Variants in AFF1 observed in about 807,000 individuals in gnomAD.
AFF1 encodes the protein ALF transcription elongation factor 1.
AFF1 carries 48 observed loss-of-function variants against 121.7 expected under a neutral mutation model. The ratio of observed to expected loss-of-function variants is 0.39; its 90% CI spans 0.31 to 0.50. The LOEUF (loss-of-function observed/expected upper bound fraction) is 0.50. Ranked by LOEUF, AFF1 falls within the 20% of genes least tolerant of loss-of-function variation. The pLI, the probability that AFF1 is intolerant of heterozygous loss-of-function variation, is 0.76. For synonymous variants in AFF1, 613 were observed against 563.0 expected (o/e 1.09, Z -1.26); for missense variants, 1,523 against 1,511.7 (o/e 1.01, Z -0.12).
chr4:87,091,151 T>C (rs1724264503), intron 6 of AFF1, among the ~76,000 whole-genome samples: 1 of 151,904 alleles, frequency 6.6e-6, no homozygotes, highest in South Asian at 2.1e-4. Context: ...ATGCTTGTAA[T>C]CCCAGGACTT....
intron 4 of AFF1, among the ~76,000 whole-genome samples, chr4:87,065,802 TCC>T (rs3836603): frequency 6.6e-6 from 1 of 151,966 alleles, no homozygotes; most frequent in Admixed American, 6.6e-5. Context: ...CCATTATTTT[TCC>T]CCCCCCTTTC....
intron 2 of AFF1, among the ~76,000 whole-genome samples, chr4:87,017,110 T>G (rs1234596110): frequency 1.3e-5 from 2 of 150,766 alleles, no homozygotes; most frequent in Non-Finnish European, 3.0e-5. Context: ...TGTTTTTTTT[T>G]TTTTTTTTTT....
At chr4:87,085,950 G>T (rs973598094) in intron 5 of AFF1, among the ~76,000 whole-genome samples, 1 of 151,988 alleles carries the variant, frequency 6.6e-6, no homozygotes, top group African/African-American at 2.4e-5. Context: ...TCTTGGCCAG[G>T]CTGGTCTCAA....
At chr4:86,963,236 ACT>A (rs1646827541) in intron 2 of AFF1, among the ~76,000 whole-genome samples, 1 of 151,596 alleles carries the variant, frequency 6.6e-6, no homozygotes, top group Admixed American at 6.6e-5. Flanking sequence ...ATTTAATAAT[ACT>A]TTTTATCCTT....
At chr4:87,097,663 C>T (rs1725002999) in intron 8 of AFF1, among the ~76,000 whole-genome samples, 2 of 152,052 alleles carry the variant, frequency 1.3e-5, no homozygotes, top group African/African-American at 4.8e-5. Context: ...AAGAGTAACA[C>T]AGAAGAGAAG....
intron 2 of AFF1, among the ~76,000 whole-genome samples, chr4:87,011,791 C>CA: frequency 6.6e-6 from 1 of 152,172 alleles, no homozygotes; most frequent in East Asian, 1.9e-4. Flanking sequence ...TCCTGACTCA[C>CA]AGTCTAGAGC....
At chr4:86,973,745 C>T (rs1035541199) in intron 2 of AFF1, 1 of 152,090 alleles carries the variant, frequency 6.6e-6, no homozygotes, top group East Asian at 1.9e-4. Flanking sequence ...TCTCTTTTCT[C>T]TTTTCCTTTC....
chr4:87,092,434 A>T (rs936134861), intron 7 of AFF1, among the ~76,000 whole-genome samples: 2 of 152,202 alleles, frequency 1.3e-5, no homozygotes, highest in African/African-American at 4.8e-5. Context: ...AGTAGATTGG[A>T]GTGTGTCATT....
At chr4:87,053,944 G>A (rs1476235375) in intron 4 of AFF1, among the ~76,000 whole-genome samples, 2 of 152,232 alleles carry the variant, frequency 1.3e-5, no homozygotes, top group African/African-American at 4.8e-5. Context: ...CTGAAGGTGA[G>A]TAGGAGTGGC....
intron 6 of AFF1, among the ~76,000 whole-genome samples, chr4:87,091,530 G>A (rs549221975): frequency 1.3e-5 from 2 of 152,304 alleles, no homozygotes; most frequent in African/African-American, 2.4e-5. Context: ...AAGAAGAGAA[G>A]CAATGAAAGC....
chr4:87,013,142 C>T (rs1726969937), intron 2 of AFF1, among the ~76,000 whole-genome samples: 1 of 144,278 alleles, frequency 6.9e-6, no homozygotes. Context: ...CTCCTGGGTT[C>T]AAGCCATTCT....
Position 87,114,474 on chromosome 4 carries a change from G to T in AFF1, c.1641G>T (p.Arg547=), listed in dbSNP as rs1233408409. 6.2e-7 allele frequency: 1 copy of T among 1,613,604 alleles called. No homozygotes were observed. The highest frequency in any genetic ancestry group is 8.5e-7 in the Non-Finnish European group (1 of 1,179,996). Residue 547 remains arginine (R), a synonymous_variant, in exon 12 of 21, where the codon CGG becomes CGT. Coordinates refer to ENST00000395146, the MANE Select transcript of AFF1 (RefSeq NM_001166693.3). ...CCAGGAGCACAGAGCCCCCACGGCG[G>T]CACCCAGAGAGTAAGGGCAGCAGCG... ...EGPRSTEPPR[R]HPESKGSSDS...
intron 8 of AFF1, among the ~76,000 whole-genome samples, chr4:87,097,580 G>A (rs867812128): frequency 6.6e-6 from 1 of 152,276 alleles, no homozygotes; most frequent in Middle Eastern, 3.4e-3. Context: ...AATTATCTAG[G>A]AAAGAATATT....
intron 2 of AFF1, among the ~76,000 whole-genome samples, chr4:86,985,665 A>G (rs931777157): frequency 2.0e-5 from 3 of 152,082 alleles, no homozygotes; most frequent in African/African-American, 7.2e-5. Flanking sequence ...GAAAAGAGCA[A>G]AACTCCATCT....
intron 7 of AFF1, among the ~76,000 whole-genome samples, chr4:87,094,704 T>G (rs150306193): frequency 1.3e-4 from 20 of 152,312 alleles, no homozygotes; most frequent in African/African-American, 4.1e-4. Context: ...CTGCAAGCAA[T>G]GATTTTCAGT....
chr4:87,046,325 C>G (rs1288005757), intron 3 of AFF1, 39 bp downstream of exon 3: 1 of 1,601,990 alleles, frequency 6.2e-7, no homozygotes, highest in Non-Finnish European at 8.5e-7. Flanking sequence ...CCTGATTTAT[C>G]ACAATGTTGA....
intron 4 of AFF1, among the ~76,000 whole-genome samples, chr4:87,064,325 A>T (rs1418788643): frequency 6.6e-6 from 1 of 152,252 alleles, no homozygotes; most frequent in South Asian, 2.1e-4. Context: ...AATATAGAAG[A>T]TAGGCAACAT....
chr4:87,099,127 A>G (rs1337565964), intron 8 of AFF1, among the ~76,000 whole-genome samples: 1 of 152,196 alleles, frequency 6.6e-6, no homozygotes, highest in Admixed American at 6.5e-5. Context: ...CTTGTTTTCA[A>G]ATATTAGCTT....
chr4:86,953,875 AT>A (rs1560498901), intron 2 of AFF1, among the ~76,000 whole-genome samples: 1 of 152,026 alleles, frequency 6.6e-6, no homozygotes, highest in East Asian at 1.9e-4. Flanking sequence ...CGCCCAGCTA[AT>A]TTTTGTACGT....
Sources: gnomAD v4.1 joint callset for allele counts (sites outside exome capture counted in the v4.1 genomes callset) on GRCh38, gnomAD v4.1.1 for gene constraint, MANE v1.5 for transcripts, NCBI Gene and HGNC (gene_info 2026-07-23, HGNC 2026-07-21) for gene names.